The following TBX1 variants were observed in gnomAD, a reference collection of about 807,000 sequenced individuals.
TBX1 encodes the protein T-box transcription factor TBX1.
TBX1 carries 16 observed loss-of-function variants against 40.8 expected under a neutral mutation model. The ratio of observed to expected loss-of-function variants is 0.39; its 90% confidence interval spans 0.27 to 0.60. The LOEUF (loss-of-function observed/expected upper bound fraction) is 0.60. Among genes scored for constraint, TBX1 ranks in the 20% least tolerant of loss-of-function variants. The pLI is 0.51. For missense variants in TBX1, 755 were observed against 728.5 expected, an observed-to-expected ratio of 1.04 and a Z score of -0.42; for synonymous variants, 403 against 336.8, an observed-to-expected ratio of 1.20 and a Z score of -2.15.
chr22:19,758,642 G>A (rs909092126), upstream of TBX1, among the ~76,000 whole-genome samples: 1 of 152,176 alleles, frequency 6.6e-6, no homozygotes, highest in Non-Finnish European at 1.5e-5. Flanking sequence ...TCGTGTCCTC[G>A]GCTCCCTCGG....
Position 19,761,286 on chromosome 22 carries a change from GGCGCCCCTCCCCACGCC to G in TBX1, c.437+10_437+26del. ...ATCGTCACCAAGGCCGGCAGGTCAG[GGCGCCCCTCCCCACGCC>G]GCGACCCTCCCCACGTGCTGCCGCC... On this transcript the variant is annotated splice_region_variant and intron_variant, in intron 1 of 6. Coordinates refer to ENST00000649276, the MANE Select transcript of TBX1 (RefSeq NM_001379200.1). The G allele has an allele frequency of 1.9e-6, 3 of 1,544,220 alleles. No homozygotes were observed. The highest frequency in any genetic ancestry group is 2.3e-5 in the South Asian group (2 of 86,678).
At chr22:19,766,286 C>G in intron 6 of TBX1, 103 bp from the exon 7 acceptor site, 1 of 1,196,850 alleles carries the variant, frequency 8.4e-7, no homozygotes. Context: ...CGGGGAACAC[C>G]GAGGGCGGCC....
intron 8 of TBX1, among the ~76,000 whole-genome samples, chr22:19,776,753 C>T (rs1937071441): frequency 6.6e-6 from 1 of 152,242 alleles, no homozygotes; most frequent in Non-Finnish European, 1.5e-5. Flanking sequence ...AGCCAGCACA[C>T]TACCCGCATG....
At position 19,767,200 on chromosome 22, in the gene TBX1, GCGGCCCGGC is replaced by G; in HGVS notation, c.*338_*346del. ...TGTTCTCCCCGAGACCGCGTCGCCCGCGGCCCGGCCGGCAGTTGCAGTGTAGACAGCCCG... is the reference window on the plus strand; with the variant it reads ...TGTTCTCCCCGAGACCGCGTCGCCCGCGGCAGTTGCAGTGTAGACAGCCCG... On this transcript the variant is annotated 3_prime_UTR_variant, in exon 7 of 7. Transcript: ENST00000649276. The G allele has an allele frequency of 2.7e-6, 3 of 1,105,958 alleles. No homozygotes were observed. The highest frequency in any genetic ancestry group is 3.3e-6 in the Non-Finnish European group (3 of 908,298). The allele number at this position is 1,105,958 out of a possible 1,614,324, so 68.5% of individuals were successfully genotyped here. A position where few individuals can be genotyped will look rare whatever the true frequency, so the allele number is the denominator to read the frequency against.
Position 19,766,425 on chromosome 22 carries a change from C to A in TBX1, c.1073C>A (p.Ala358Glu), listed in dbSNP as rs1452987245. Reference sequence around the variant, plus strand: ...GCCCGGCGAGAATTCCAGCGCGACGCGGGCGGGCCAGCAGTGCTCGGGGAC... The same window carrying A: ...GCCCGGCGAGAATTCCAGCGCGACGAGGGCGGGCCAGCAGTGCTCGGGGAC... ...AEARREFQRDAGGPAVLGDPA... is the reference protein window; with the variant it reads ...AEARREFQRDEGGPAVLGDPA... The change falls in exon 7 of 7, where the codon GCG becomes GAG. Residue 358 changes from alanine (A) to glutamate (E), a missense_variant. Ala to Glu is a moderately radical substitution (Grantham distance 107). This residue lies in a region of TBX1 where 412 missense variants were observed against 317.6 expected (regional missense o/e 1.30). Transcript: ENST00000649276. 1.5e-6 allele frequency: 2 copies of A among 1,343,172 alleles called. No individual in the cohort carries two copies. The highest frequency in any genetic ancestry group is 1.5e-5 in the African/African-American group (1 of 65,402). 83.2% of individuals were successfully genotyped at this position (1,343,172 alleles called of 1,614,324 possible).
intron 1 of TBX1, 136 bp downstream of exon 1, chr22:19,761,416 C>T (rs1449411502): frequency 8.1e-7 from 1 of 1,229,256 alleles, no homozygotes; most frequent in South Asian, 2.9e-5. Flanking sequence ...CCCCTCTGGG[C>T]CCCGCTGCCT....
At chr22:19,778,108 A>G (rs117152059) in intron 8 of TBX1, among the ~76,000 whole-genome samples, 4,391 of 150,914 alleles carry the variant, frequency 0.029, 99 homozygotes, top group South Asian at 0.047. Context: ...TGCTCATTTC[A>G]AGAGACAGGA....
upstream of TBX1, chr22:19,756,849 C>T (rs1936497053): frequency 6.6e-6 from 1 of 152,346 alleles, no homozygotes; most frequent in South Asian, 1.9e-4. Flanking sequence ...CGCGCTCCCT[C>T]CGGGCTGCGG....
chr22:19,779,543 T>C, exon 9 of TBX1: 1 of 1,513,148 alleles, frequency 6.6e-7, no homozygotes, highest in Middle Eastern at 2.4e-4. Flanking sequence ...TGTTTTGTAA[T>C]AAATACTTCT....
At chr22:19,759,551 G>C (rs1350470434), upstream of TBX1, 3 of 1,568,276 alleles carry the variant, frequency 1.9e-6, no homozygotes, top group Non-Finnish European at 2.6e-6. Flanking sequence ...CGCCTCTCTG[G>C]TTGCAGCGGA....
intron 8 of TBX1, among the ~76,000 whole-genome samples, chr22:19,774,800 G>T (rs1220190453): frequency 6.6e-6 from 1 of 152,180 alleles, no homozygotes; most frequent in African/African-American, 2.4e-5. Context: ...AGGAGAATGG[G>T]GATTGTTAGG....
downstream of TBX1, among the ~76,000 whole-genome samples, chr22:19,782,058 T>C (rs1206173203): frequency 1.3e-5 from 2 of 152,238 alleles, no homozygotes; most frequent in Non-Finnish European, 2.9e-5. Flanking sequence ...TTGATTACTA[T>C]AGCTTTATAG....
At chr22:19,758,067 C>T (rs1191791527), upstream of TBX1, among the ~76,000 whole-genome samples, 1 of 152,144 alleles carries the variant, frequency 6.6e-6, no homozygotes, top group Non-Finnish European at 1.5e-5. Flanking sequence ...CGTTCCTGAA[C>T]CTCAGGCCCA....
intron 8 of TBX1, among the ~76,000 whole-genome samples, chr22:19,779,049 G>A (rs762484461): frequency 3.9e-5 from 6 of 152,242 alleles, no homozygotes; most frequent in Non-Finnish European, 7.3e-5. Flanking sequence ...TGTGGAGGCC[G>A]TGTCTGTGTC....
At chr22:19,771,620 C>T (rs1936991522), downstream of TBX1, among the ~76,000 whole-genome samples, 3 of 152,230 alleles carry the variant, frequency 2.0e-5, no homozygotes, top group Admixed American at 2.0e-4. Context: ...CTCCCGGCCC[C>T]ACTGGCATCC....
downstream of TBX1, among the ~76,000 whole-genome samples, chr22:19,768,035 C>G (rs936328786): frequency 6.6e-6 from 1 of 152,188 alleles, no homozygotes; most frequent in African/African-American, 2.4e-5. Context: ...GACCTCTCCC[C>G]GTTAACTCAA....
downstream of TBX1, among the ~76,000 whole-genome samples, chr22:19,780,937 C>A (rs1937136849): frequency 6.6e-6 from 1 of 152,086 alleles, no homozygotes; most frequent in Non-Finnish European, 1.5e-5. Context: ...TGCCCGCCAC[C>A]ACGCCCAGCT....
downstream of TBX1, among the ~76,000 whole-genome samples, chr22:19,780,391 A>C (rs1601309760): frequency 6.6e-6 from 1 of 152,240 alleles, no homozygotes; most frequent in Non-Finnish European, 1.5e-5. Flanking sequence ...TGGCTGGCTT[A>C]GTTCACTGAG....
downstream of TBX1, chr22:19,783,197 C>A (rs1455941778): frequency 4.6e-6 from 3 of 648,204 alleles, no homozygotes; most frequent in African/African-American, 1.8e-5. Flanking sequence ...ACGGAGCCCA[C>A]GTGCCCAGAA....
Sources: gnomAD v4.1 joint callset for allele counts (sites outside exome capture counted in the v4.1 genomes callset) on GRCh38, gnomAD v4.1.1 for gene constraint, gnomAD v4.1.1 regional missense constraint, MANE v1.5 for transcripts, NCBI Gene and HGNC (gene_info 2026-07-23, HGNC 2026-07-21) for gene names.